The following BPIFA3 variants were observed in gnomAD, a reference collection of about 807,000 sequenced individuals.
BPIFA3 encodes the protein BPI fold-containing family A member 3.
A neutral mutation model predicts 29.7 loss-of-function variants in BPIFA3; 32 were observed. That is an observed-to-expected ratio of 1.08 (90% confidence interval 0.81 to 1.45). The LOEUF is 1.45. BPIFA3 is among the 40% of genes most tolerant of loss of function. The probability of loss-of-function intolerance (pLI) is 0.00; values close to 1 mark genes in which losing one functional copy is unlikely to be tolerated. For missense variants in BPIFA3, 323 were observed against 311.3 expected, an observed-to-expected ratio of 1.04 and a Z score of -0.28; for synonymous variants, 112 against 113.7, an observed-to-expected ratio of 0.98 and a Z score of 0.10.
intron 1 of BPIFA3, among the ~76,000 whole-genome samples, chr20:33,218,769 A>C (rs1287260015): frequency 6.6e-6 from 1 of 152,012 alleles, no homozygotes; most frequent in Non-Finnish European, 1.5e-5. Context: ...AGGAGAGGGC[A>C]CAATTTGATC....
At chr20:33,220,851 T>C (rs1432088446) in intron 1 of BPIFA3, among the ~76,000 whole-genome samples, 2 of 152,230 alleles carry the variant, frequency 1.3e-5, no homozygotes, top group South Asian at 2.1e-4. Flanking sequence ...TTATCTTGCA[T>C]TGTAGCCAGA....
At chr20:33,220,056 T>C (rs61340354) in intron 1 of BPIFA3, among the ~76,000 whole-genome samples, 17,192 of 149,408 alleles carry the variant, frequency 0.12, 3,360 homozygotes, top group African/African-American at 0.4. Context: ...GTTATAATTG[T>C]GCCACTGCAC....
Position 33,225,117 on chromosome 20 carries a change from G to A in BPIFA3, c.406G>A (p.Val136Ile), listed in dbSNP as rs3818222. Residue 136 changes from valine to isoleucine, a missense_variant, in exon 4 of 7, where the codon GTA becomes ATA. By Grantham distance (29) the Val-to-Ile change is conservative. Coordinates refer to ENST00000375454, the MANE Select transcript of BPIFA3 (RefSeq NM_178466.5). ...ELRPSFDNNI[V>I]KMCAHMSIVV... ...CTGCAGGTCCTTCGATAACAACATC[G>A]TAAAGATGTGTGCACATATGAGCAT... 880,515 of 1,613,474 alleles carry A rather than the reference G, an allele frequency of 0.55. 245,821 individuals are homozygous for A. The highest frequency in any genetic ancestry group is 0.82 in the East Asian group (36,860 of 44,854).
At chr20:33,220,585 T>G (rs545958313) in intron 1 of BPIFA3, among the ~76,000 whole-genome samples, 4 of 152,322 alleles carry the variant, frequency 2.6e-5, no homozygotes, top group African/African-American at 9.6e-5. Context: ...ATTAACATGA[T>G]TCCCAGAGAA....
chr20:33,218,601 G>A (rs1568621592), intron 1 of BPIFA3, among the ~76,000 whole-genome samples: 1 of 152,174 alleles, frequency 6.6e-6, no homozygotes, highest in Non-Finnish European at 1.5e-5. Context: ...CCTTCTCGAT[G>A]TCTCCATACA....
rs1207204171 is a variant in BPIFA3, at chr20:33,225,013, G to T, written c.387-85G>T. 16 of 1,299,384 alleles carry T rather than the reference G, an allele frequency of 1.2e-5. No individual in the cohort carries two copies. The Admixed American group carries it at 2.8e-4, about 22-fold the overall frequency. 80.5% of individuals were successfully genotyped at this position (1,299,384 alleles called of 1,614,324 possible). A position where few individuals can be genotyped will look rare whatever the true frequency, so the allele number is the denominator to read the frequency against. On this transcript the variant is annotated intron_variant, in intron 3 of 6. Transcript: ENST00000375454. Reference sequence around the variant, plus strand: ...CCAGGGGAAGCCCTAACGGTGGACAGTGCCCGTCTTTGCCAATACGGAGAT... The same window carrying T: ...CCAGGGGAAGCCCTAACGGTGGACATTGCCCGTCTTTGCCAATACGGAGAT...
chr20:33,225,110 C>T lies in BPIFA3; in HGVS notation c.399C>T (p.Asn133=). 1 of 1,614,084 alleles carries T rather than the reference C, an allele frequency of 6.2e-7. No individual in the cohort carries two copies. The highest frequency in any genetic ancestry group is 8.5e-7 in the Non-Finnish European group (1 of 1,179,984). ...CTCTCATCTGCAGGTCCTTCGATAA[C>T]AACATCGTAAAGATGTGTGCACATA... ...FDLELRPSFD[N]NIVKMCAHMS... Residue 133 remains asparagine (N), a synonymous_variant, in exon 4 of 7, where the codon AAC becomes AAT. Transcript: ENST00000375454.
At chr20:33,218,432 G>GT (rs1429537980) in intron 1 of BPIFA3, among the ~76,000 whole-genome samples, 4 of 152,220 alleles carry the variant, frequency 2.6e-5, no homozygotes, top group African/African-American at 9.6e-5. Flanking sequence ...GTACTGAGCT[G>GT]TATCAGTCAG....
At chr20:33,218,983 G>A (rs2146481570) in intron 1 of BPIFA3, among the ~76,000 whole-genome samples, 1 of 152,248 alleles carries the variant, frequency 6.6e-6, no homozygotes, top group South Asian at 2.1e-4. Flanking sequence ...TTGGCTCACT[G>A]CAACGTCCAC....
chr20:33,223,757 C>G, intron 1 of BPIFA3, 54 bp from the exon 2 acceptor site: 1 of 1,572,180 alleles, frequency 6.4e-7, no homozygotes, highest in African/African-American at 1.3e-5. Flanking sequence ...AATCCCAAGC[C>G]CCCCACCTTT....
Position 33,224,353 on chromosome 20 carries a change from A to G in BPIFA3, c.279-2A>G. ...TGGGGCCTCTGCTCTTTCCTTGTGC[A>G]GCATCAACATCACCAACATTCAGCT... On this transcript the variant is annotated splice_acceptor_variant, in intron 2 of 6. Coordinates refer to ENST00000375454, the MANE Select transcript of BPIFA3 (RefSeq NM_178466.5). LOFTEE classifies it high-confidence loss of function. The G allele has an allele frequency of 6.2e-7, 1 of 1,613,418 alleles. No homozygotes were observed.
chr20:33,225,414 C>T (rs1254011668), intron 4 of BPIFA3, 167 bp downstream of exon 4: 2 of 919,196 alleles, frequency 2.2e-6, no homozygotes, highest in East Asian at 2.7e-5. Flanking sequence ...CTACCACCCT[C>T]CCAGAAGCCA....
intron 3 of BPIFA3, 69 bp downstream of exon 3, chr20:33,224,531 C>G: frequency 7.7e-7 from 1 of 1,300,938 alleles, no homozygotes; most frequent in Non-Finnish European, 1.1e-6. Flanking sequence ...AAATTCAGAT[C>G]TTTCTGATCC....
At chr20:33,221,301 C>T (rs1320721768) in intron 1 of BPIFA3, among the ~76,000 whole-genome samples, 1 of 152,074 alleles carries the variant, frequency 6.6e-6, no homozygotes, top group Admixed American at 6.5e-5. Context: ...ATTACAGGTG[C>T]CCCCACTACC....
chr20:33,219,118 C>A (rs149233661), intron 1 of BPIFA3, among the ~76,000 whole-genome samples: 2 of 152,008 alleles, frequency 1.3e-5, no homozygotes, highest in African/African-American at 2.4e-5. Context: ...GTTGGCCAGG[C>A]GGTCTCGAAC....
At chr20:33,227,496 G>A (rs1399856955) in intron 6 of BPIFA3, 42 bp from the exon 7 acceptor site, 4 of 1,515,538 alleles carry the variant, frequency 2.6e-6, no homozygotes, top group Admixed American at 3.3e-5. Flanking sequence ...GGAGTTGGGA[G>A]GTGGGCACAC....
chr20:33,226,583 T>C (rs1410448805), intron 5 of BPIFA3, 93 bp downstream of exon 5: 19 of 892,930 alleles, frequency 2.1e-5, no homozygotes, highest in Non-Finnish European at 2.8e-5. Context: ...ATTTCAAACA[T>C]TGGATTTTAG....
At chr20:33,226,871 A>G in intron 5 of BPIFA3, 59 bp from the exon 6 acceptor site, 1 of 1,603,690 alleles carries the variant, frequency 6.2e-7, no homozygotes, top group African/African-American at 1.3e-5. Flanking sequence ...TGCCACAGTC[A>G]CTTCAGTTTT....
chr20:33,226,518 G>C (rs2146489727), intron 5 of BPIFA3, 28 bp downstream of exon 5: 1 of 1,456,636 alleles, frequency 6.9e-7, no homozygotes, highest in East Asian at 2.3e-5. Context: ...TTTGCATCTT[G>C]AGCATCCTTG....
Sources: gnomAD v4.1 joint callset for allele counts (sites outside exome capture counted in the v4.1 genomes callset) on GRCh38, gnomAD v4.1.1 for gene constraint, MANE v1.5 for transcripts, NCBI Gene and HGNC (gene_info 2026-07-23, HGNC 2026-07-21) for gene names.